Variants in GPR161 observed in about 807,000 individuals in gnomAD.
GPR161 encodes the protein G-protein coupled receptor RE2.
GPR161 carries 25 observed loss-of-function variants against 39.2 expected under a neutral mutation model. That is an observed-to-expected ratio of 0.64 (90% CI 0.47 to 0.89). GPR161 has a LOEUF of 0.89. Ranked by LOEUF, GPR161 falls within the 40% of genes least tolerant of loss-of-function variation. GPR161 has a pLI of 0.00. For missense variants in GPR161, 547 were observed against 677.8 expected (o/e 0.81, Z 2.14); for synonymous variants, 286 against 276.6 (o/e 1.03, Z -0.34).
Position 168,080,193 on chromosome 1 carries a change from G to A in GPR161, c.*5338C>T, listed in dbSNP as rs1312536466. ...CAGTTTTTTTTAGGTCTGGCCAGCA[G>A]ATATTAATATCTCCCAAGATCCTTG... On this transcript the variant is annotated 3_prime_UTR_variant, in exon 6 of 6. Transcript: ENST00000682931. 1 of 152,140 alleles carries A rather than the reference G, an allele frequency of 6.6e-6. No homozygotes were observed. Among genetic ancestry groups the A allele is most frequent in the Non-Finnish European group, 1.5e-5 (1 of 68,028 alleles). The allele number at this position is 152,140 out of a possible 1,614,324, so 9.4% of individuals were successfully genotyped here. A position where few individuals can be genotyped will look rare whatever the true frequency, so the allele number is the denominator to read the frequency against.
intron 1 of GPR161, among the ~76,000 whole-genome samples, chr1:168,121,007 A>G (rs889874377): frequency 1.3e-5 from 2 of 152,148 alleles, no homozygotes; most frequent in Admixed American, 6.6e-5. Flanking sequence ...AAAATTTTGG[A>G]AAAAAAACAT....
chr1:168,090,765 C>T (rs879136805), intron 3 of GPR161, 97 bp from the exon 4 acceptor site: 4 of 585,748 alleles, frequency 6.8e-6, no homozygotes, highest in South Asian at 4.5e-5. Flanking sequence ...CCCTTCTGTT[C>T]GCCCTTGCAA....
At chr1:168,113,391 CACTA>C in intron 1 of GPR161, among the ~76,000 whole-genome samples, 1 of 152,296 alleles carries the variant, frequency 6.6e-6, no homozygotes, top group Non-Finnish European at 1.5e-5. Flanking sequence ...GAAAGTTGAT[CACTA>C]ACTCATCCTT....
chr1:168,089,186 A>G (rs1052842951), intron 4 of GPR161: 8 of 148,944 alleles, frequency 5.4e-5, no homozygotes, highest in Non-Finnish European at 1.2e-4. Context: ...AACGTGGCAA[A>G]TAACTGCTGA....
intron 1 of GPR161, among the ~76,000 whole-genome samples, chr1:168,110,544 AAAG>A (rs1238971213): frequency 1.0e-4 from 1 of 9,672 alleles, no homozygotes; most frequent in African/African-American, 4.4e-4. Context: ...AAAGGAAAGA[AAAG>A]AAAAGAAAAG....
In GPR161 at chr1:168,085,069, G is replaced by A. The variant is rs1271016890; in HGVS notation, c.*462C>T. On this transcript the variant is annotated 3_prime_UTR_variant, in exon 6 of 6. Coordinates refer to ENST00000682931, the MANE Select transcript of GPR161 (RefSeq NM_001375883.1). Reference sequence around the variant, plus strand: ...GACGGTCGCGTGTCATTAGGAAGAAGTGCTGTGTCATCCTTCACAGTACAC... The same window carrying A: ...GACGGTCGCGTGTCATTAGGAAGAAATGCTGTGTCATCCTTCACAGTACAC... 1.1e-5 allele frequency: 5 copies of A among 456,850 alleles called. No individual in the cohort carries two copies. The highest frequency in any genetic ancestry group is 2.2e-5 in the Non-Finnish European group (5 of 227,390). The allele number at this position is 456,850 out of a possible 1,614,324, so 28.3% of individuals were successfully genotyped here.
At chr1:168,119,345 T>C (rs1364460582) in intron 1 of GPR161, among the ~76,000 whole-genome samples, 1 of 149,616 alleles carries the variant, frequency 6.7e-6, no homozygotes, top group African/African-American at 2.5e-5. Flanking sequence ...AAGGAAATTC[T>C]GACATTTGCT....
chr1:168,137,132 A>G (rs1163821419), upstream of GPR161: 6 of 1,170,328 alleles, frequency 5.1e-6, no homozygotes, highest in Non-Finnish European at 5.3e-6. Context: ...TCCCACGAAC[A>G]GCCTCGGCTG....
At chr1:168,085,890 G>T (rs965708402) in intron 5 of GPR161, 94 bp from the exon 6 acceptor site, 1 of 1,157,718 alleles carries the variant, frequency 8.6e-7, no homozygotes, top group Non-Finnish European at 1.2e-6. Context: ...ACCCCGGGGA[G>T]GGAGACAAAC....
At chr1:168,097,337 A>G in intron 2 of GPR161, 105 bp from the exon 3 acceptor site, 1 of 1,176,230 alleles carries the variant, frequency 8.5e-7, no homozygotes, top group Non-Finnish European at 1.2e-6. Flanking sequence ...TGTTTCTAAA[A>G]GCAGCACCTT....
intron 2 of GPR161, among the ~76,000 whole-genome samples, chr1:168,100,623 C>T (rs1048056424): frequency 2.6e-5 from 4 of 152,188 alleles, no homozygotes; most frequent in Non-Finnish European, 5.9e-5. Context: ...GCAAGCCCTG[C>T]TCTTAGTAAG....
intron 2 of GPR161, 137 bp downstream of exon 2, chr1:168,104,340 G>A (rs1425035082): frequency 3.1e-6 from 2 of 650,154 alleles, no homozygotes; most frequent in Non-Finnish European, 5.4e-6. Flanking sequence ...GGCTCCAGAG[G>A]CAGAACTCCA....
intron 1 of GPR161, chr1:168,136,006 T>C: frequency 1.6e-6 from 2 of 1,223,248 alleles, no homozygotes; most frequent in African/African-American, 3.1e-5. Context: ...CACACCCCAC[T>C]TACCCAACAG....
Position 168,099,839 on chromosome 1 carries a change from G to C in GPR161, c.375-2607C>G, listed in dbSNP as rs867990138. ...TTTTGTTTTTAAGTTTTTTTTTTGG[G>C]GGGGGGGGGTTGGTGTGGATAAAAT... On this transcript the variant is annotated intron_variant, in intron 2 of 5. Coordinates refer to ENST00000682931, the MANE Select transcript of GPR161 (RefSeq NM_001375883.1). 3.8e-3 allele frequency among the ~76,000 whole-genome samples: 505 copies of C among 133,872 alleles called. 12 individuals carry two copies. The highest frequency in any genetic ancestry group is 0.016 in the African/African-American group (492 of 31,200). The allele number at this position is 133,872 out of a possible 152,430, so 87.8% of individuals were successfully genotyped here. A position where few individuals can be genotyped will look rare whatever the true frequency, so the allele number is the denominator to read the frequency against.
intron 1 of GPR161, chr1:168,133,935 C>T: frequency 1.1e-6 from 1 of 939,464 alleles, no homozygotes; most frequent in Non-Finnish European, 1.3e-6. Context: ...AAAAGACAGA[C>T]ATTTACAGTG....
intron 3 of GPR161, among the ~76,000 whole-genome samples, chr1:168,094,879 A>G (rs1029381818): frequency 9.2e-5 from 14 of 152,208 alleles, no homozygotes; most frequent in Non-Finnish European, 1.9e-4. Context: ...GTCAGTGGGA[A>G]AGGGCCAAAG....
chr1:168,131,983 G>A (rs891486123), intron 1 of GPR161, among the ~76,000 whole-genome samples: 2 of 152,200 alleles, frequency 1.3e-5, no homozygotes, highest in East Asian at 1.9e-4. Context: ...GCACATAACT[G>A]GCCAGGCGCG....
intron 1 of GPR161, among the ~76,000 whole-genome samples, chr1:168,105,292 G>A (rs1247280069): frequency 6.6e-6 from 1 of 152,106 alleles, no homozygotes; most frequent in Admixed American, 6.5e-5. Context: ...AAGCAGGCTG[G>A]GGCAGGGGGC....
At chr1:168,128,472 T>A (rs976550655) in intron 1 of GPR161, among the ~76,000 whole-genome samples, 1 of 152,208 alleles carries the variant, frequency 6.6e-6, no homozygotes, top group Non-Finnish European at 1.5e-5. Context: ...AAAACGTCAG[T>A]AGTGCCGAGG....
Sources: gnomAD v4.1 joint callset for allele counts (sites outside exome capture counted in the v4.1 genomes callset) on GRCh38, gnomAD v4.1.1 for gene constraint, MANE v1.5 for transcripts, NCBI Gene and HGNC (gene_info 2026-07-23, HGNC 2026-07-21) for gene names.